Variants in ITPRID1 observed in about 807,000 individuals in gnomAD.
The protein encoded by ITPRID1 is protein ITPRID1.
ITPRID1 carries 96 observed loss-of-function variants against 95.4 expected under a neutral mutation model. The ratio of observed to expected loss-of-function variants is 1.01; its 90% CI spans 0.85 to 1.19. The LOEUF is 1.19. Ranked by LOEUF, ITPRID1 falls within the 50% of genes most tolerant of loss-of-function variation. The probability of loss-of-function intolerance (pLI) is 0.00; values close to 1 mark genes in which losing one functional copy is unlikely to be tolerated. For synonymous variants in ITPRID1, 510 were observed against 453.6 expected, an observed-to-expected ratio of 1.12 and a Z score of -1.58; for missense variants, 1,339 against 1,252.9, an observed-to-expected ratio of 1.07 and a Z score of -1.04.
At chr7:31,599,657 TTCCTTTC>T (rs1562598988) in intron 10 of ITPRID1, among the ~76,000 whole-genome samples, 1,499 of 10,816 alleles carry the variant, frequency 0.14, 83 homozygotes, top group South Asian at 0.32. Context: ...TTTTCTTTCT[TTCCTTTC>T]TCTCTCTCTC....
intron 5 of ITPRID1, among the ~76,000 whole-genome samples, chr7:31,567,519 C>G (rs1017292368): frequency 6.6e-6 from 1 of 151,228 alleles, no homozygotes; most frequent in African/African-American, 2.4e-5. Context: ...GCACAGAGGC[C>G]GTATATATTC....
rs879828343 is a variant in ITPRID1, at chr7:31,554,346, A to T, written c.164-129A>T. 36 of 1,371,806 alleles carry T rather than the reference A, an allele frequency of 2.6e-5. No homozygotes were observed. The African/African-American group carries it at 3.8e-4, about 14-fold the overall frequency. 85.0% of individuals were successfully genotyped at this position (1,371,806 alleles called of 1,614,324 possible). A position where few individuals can be genotyped will look rare whatever the true frequency, so the allele number is the denominator to read the frequency against. ...TTTGCCTTCAGGAAAAAAAATGAAT[A>T]TGCTTATGGAAGGAAACATGTGACT... On this transcript the variant is annotated intron_variant, in intron 3 of 14. Transcript: ENST00000615280.
At chr7:31,602,615 C>A (rs1408963050) in intron 10 of ITPRID1, among the ~76,000 whole-genome samples, 3 of 152,228 alleles carry the variant, frequency 2.0e-5, no homozygotes, top group Middle Eastern at 3.4e-3. Flanking sequence ...GAAGCTTGCA[C>A]TGGGGGAAAA....
intron 9 of ITPRID1, among the ~76,000 whole-genome samples, chr7:31,579,540 C>T (rs1204750966): frequency 6.6e-6 from 1 of 152,162 alleles, no homozygotes; most frequent in Non-Finnish European, 1.5e-5. Context: ...CACTTTACAT[C>T]ACTATACAGA....
Position 31,653,121 on chromosome 7 carries a change from C to T in ITPRID1, c.*292C>T. 1 of 505,076 alleles carries T rather than the reference C, an allele frequency of 2.0e-6. No individual in the cohort carries two copies. The highest frequency in any genetic ancestry group is 5.4e-5 in the South Asian group (1 of 18,486). 31.3% of individuals were successfully genotyped at this position (505,076 alleles called of 1,614,324 possible). ...CAGTGTAGTGGGGGAGATAGAATTGCAAACAAAAAGTATCTGAGACAGACC... is the reference window on the plus strand; with the variant it reads ...CAGTGTAGTGGGGGAGATAGAATTGTAAACAAAAAGTATCTGAGACAGACC... On this transcript the variant is annotated 3_prime_UTR_variant, in exon 15 of 15. Coordinates refer to ENST00000615280, the MANE Select transcript of ITPRID1 (RefSeq NM_001257967.3).
At chr7:31,657,366 G>A (rs959784530), downstream of ITPRID1, among the ~76,000 whole-genome samples, 6 of 152,142 alleles carry the variant, frequency 3.9e-5, no homozygotes, top group Non-Finnish European at 7.4e-5. Flanking sequence ...TTCTGTCTGC[G>A]TTATACATTG....
intron 10 of ITPRID1, among the ~76,000 whole-genome samples, chr7:31,623,209 A>C (rs1293468663): frequency 6.6e-6 from 1 of 152,176 alleles, no homozygotes; most frequent in African/African-American, 2.4e-5. Flanking sequence ...TTCTGAAACT[A>C]TTCCAATCAA....
intron 2 of ITPRID1, among the ~76,000 whole-genome samples, chr7:31,550,811 G>A (rs1320256454): frequency 7.0e-6 from 1 of 142,856 alleles, no homozygotes; most frequent in East Asian, 2.2e-4. Context: ...TGGAGGCTGA[G>A]GTCAAGTATG....
chr7:31,617,351 A>AGATT (rs1787350380), intron 10 of ITPRID1, among the ~76,000 whole-genome samples: 1 of 152,228 alleles, frequency 6.6e-6, no homozygotes, highest in African/African-American at 2.4e-5. Context: ...GTTAAATTTT[A>AGATT]GATTGCCAAA....
chr7:31,541,097 G>A (rs1478726231), intron 1 of ITPRID1, among the ~76,000 whole-genome samples: 1 of 152,176 alleles, frequency 6.6e-6, no homozygotes, highest in Non-Finnish European at 1.5e-5. Flanking sequence ...CAGGTAAAGA[G>A]AAACAAGTAT....
intron 8 of ITPRID1, among the ~76,000 whole-genome samples, chr7:31,576,598 C>T (rs1785191239): frequency 6.6e-6 from 1 of 152,154 alleles, no homozygotes; most frequent in Non-Finnish European, 1.5e-5. Context: ...CCCACAGTTC[C>T]TATAGGTCTT....
chr7:31,631,157 C>T (rs1417878739), intron 10 of ITPRID1, among the ~76,000 whole-genome samples: 1 of 152,080 alleles, frequency 6.6e-6, no homozygotes, highest in Non-Finnish European at 1.5e-5. Flanking sequence ...ATAATACTAC[C>T]TAAGCCTTCC....
chr7:31,611,879 T>C (rs1412689012), intron 10 of ITPRID1, among the ~76,000 whole-genome samples: 7 of 152,052 alleles, frequency 4.6e-5, no homozygotes, highest in African/African-American at 1.7e-4. Context: ...TTTGGTTCTG[T>C]ACATTGTTTC....
intron 10 of ITPRID1, among the ~76,000 whole-genome samples, chr7:31,599,638 TTTCTTTCTTTTTCTTTCTTTC>T (rs1562598777): frequency 0.057 from 2,849 of 49,824 alleles, 134 homozygotes; most frequent in African/African-American, 0.076. Context: ...TCTTTCTTTC[TTTCTTTCTTTTTCTTTCTTTC>T]CTTTCTCTCT....
chr7:31,649,443 A>T (rs1445551829), intron 12 of ITPRID1, among the ~76,000 whole-genome samples: 1 of 152,200 alleles, frequency 6.6e-6, no homozygotes. Context: ...CAGAAGCCCC[A>T]CAGCATGCTC....
At chr7:31,544,651 T>C (rs1346549695) in intron 1 of ITPRID1, among the ~76,000 whole-genome samples, 1 of 152,174 alleles carries the variant, frequency 6.6e-6, no homozygotes, top group Non-Finnish European at 1.5e-5. Flanking sequence ...CCTCATAACA[T>C]AGTTTGTAAG....
intron 10 of ITPRID1, among the ~76,000 whole-genome samples, chr7:31,590,223 C>T (rs953204303): frequency 6.6e-6 from 1 of 152,048 alleles, no homozygotes. Flanking sequence ...CACATGCCAC[C>T]ATGCCCAGCT....
Position 31,546,418 on chromosome 7 carries a change from C to T in ITPRID1, c.-97-3008C>T, listed in dbSNP as rs949867979. ...AATATTGTGTGTGTGTGTGTGTGTGCGTGCGCATATAACTGTGTGTCTATG... is the reference window on the plus strand; with the variant it reads ...AATATTGTGTGTGTGTGTGTGTGTGTGTGCGCATATAACTGTGTGTCTATG... On this transcript the variant is annotated intron_variant, in intron 1 of 14. Coordinates refer to ENST00000615280, the MANE Select transcript of ITPRID1 (RefSeq NM_001257967.3). Among the ~76,000 whole-genome samples, 7 of 150,598 alleles carry T rather than the reference C, an allele frequency of 4.6e-5. No individual in the cohort carries two copies. The East Asian group carries it at 5.9e-4, about 13-fold the overall frequency.
chr7:31,519,378 G>A (rs1463535300), intron 1 of ITPRID1, among the ~76,000 whole-genome samples: 2 of 151,722 alleles, frequency 1.3e-5, no homozygotes, highest in Non-Finnish European at 2.9e-5. Context: ...TTAACTTCTT[G>A]TTATTTTACA....
Sources: allele counts gnomAD v4.1 joint callset (sites outside exome capture counted in the v4.1 genomes callset), GRCh38; gene constraint gnomAD v4.1.1; transcripts MANE v1.5; gene names NCBI Gene and HGNC (gene_info 2026-07-23, HGNC 2026-07-21).